Variants in CCDC63 observed in about 807,000 individuals in gnomAD.
The protein encoded by CCDC63 is coiled-coil domain containing 63, also known as coiled-coil domain-containing protein 63.
In CCDC63, 54 loss-of-function variants were observed where a neutral mutation model predicts 63.6. That is an observed-to-expected ratio of 0.85 (90% CI 0.68 to 1.07). The LOEUF is 1.07. CCDC63 is among the 50% of genes least tolerant of loss of function. CCDC63 has a pLI of 0.00. For missense variants in CCDC63, 637 were observed against 689.6 expected (o/e 0.92, Z 0.86); for synonymous variants, 253 against 266.1 (o/e 0.95, Z 0.48).
At chr12:110,846,526 G>T (rs1039850192), upstream of CCDC63, among the ~76,000 whole-genome samples, 1 of 150,402 alleles carries the variant, frequency 6.6e-6, no homozygotes, top group Non-Finnish European at 1.5e-5. Context: ...TTCCCCCCCC[G>T]CCCCAACATT....
At chr12:110,871,834 GT>G (rs2071072818) in intron 4 of CCDC63, among the ~76,000 whole-genome samples, 1 of 152,048 alleles carries the variant, frequency 6.6e-6, no homozygotes, top group South Asian at 2.1e-4. Context: ...TCATAACTTT[GT>G]TTTGTCTGCA....
intron 4 of CCDC63, among the ~76,000 whole-genome samples, chr12:110,858,992 T>C (rs1460370330): frequency 6.6e-6 from 1 of 152,136 alleles, no homozygotes; most frequent in African/African-American, 2.4e-5. Context: ...CCCTCCGCCG[T>C]GCTCCCCAGT....
chr12:110,893,267 T>A, intron 9 of CCDC63, 117 bp downstream of exon 9: 1 of 783,326 alleles, frequency 1.3e-6, no homozygotes, highest in Non-Finnish European at 2.2e-6. Flanking sequence ...TCAGGAGCAG[T>A]AAGAGGTCTG....
chr12:110,874,389 T>C (rs558270663), intron 5 of CCDC63, among the ~76,000 whole-genome samples: 1 of 152,272 alleles, frequency 6.6e-6, no homozygotes, highest in Non-Finnish European at 1.5e-5. Flanking sequence ...AACTTGATAA[T>C]GGGAAAGGTG....
chr12:110,870,254 G>A (rs767152723), intron 4 of CCDC63, among the ~76,000 whole-genome samples: 12 of 152,086 alleles, frequency 7.9e-5, no homozygotes, highest in Non-Finnish European at 1.3e-4. Context: ...GCTAATTTTT[G>A]TATTTCTAGT....
At chr12:110,846,973 G>C (rs898838605), upstream of CCDC63, 1 of 152,256 alleles carries the variant, frequency 6.6e-6, no homozygotes, top group Non-Finnish European at 1.5e-5. Flanking sequence ...ACGCCCGGGC[G>C]TGGGGCTGGG....
Position 110,853,554 on chromosome 12 carries a change from G to A in CCDC63, c.159G>A (p.Gln53=), listed in dbSNP as rs2070733907. The stretch of plus-strand genomic sequence containing the variant: ...GGAAGTCTTTTAAGTTCCGAAACCA[G>A]CAGAAGATTGCGAGTCAGTAGTAAG... The part of the protein sequence containing the change: ...ESRKSFKFRN[Q]QKIASQYKEI... Residue 53 remains glutamine (Q), a synonymous_variant, in exon 3 of 12, where the codon CAG becomes CAA. Transcript: ENST00000308208. The A allele has an allele frequency of 1.2e-6, 2 of 1,614,188 alleles. No homozygotes were observed. Among genetic ancestry groups the A allele is most frequent in the East Asian group, 2.2e-5 (1 of 44,874 alleles).
chr12:110,873,128 C>T (rs970008079), intron 4 of CCDC63, among the ~76,000 whole-genome samples: 1 of 151,988 alleles, frequency 6.6e-6, no homozygotes, highest in South Asian at 2.1e-4. Context: ...TCCAGTTACT[C>T]GAGACGCTAA....
chr12:110,878,746 G>A (rs1237110641), intron 5 of CCDC63, among the ~76,000 whole-genome samples: 1 of 152,154 alleles, frequency 6.6e-6, no homozygotes, highest in Non-Finnish European at 1.5e-5. Context: ...TTTCCTTTGG[G>A]TGTATGCCCA....
At chr12:110,878,213 T>C (rs1566127790) in intron 5 of CCDC63, among the ~76,000 whole-genome samples, 1 of 152,306 alleles carries the variant, frequency 6.6e-6, no homozygotes, top group African/African-American at 2.4e-5. Flanking sequence ...TACATACATA[T>C]ATATACCTAT....
intron 10 of CCDC63, among the ~76,000 whole-genome samples, chr12:110,901,127 C>T (rs980668825): frequency 6.6e-6 from 1 of 152,154 alleles, no homozygotes; most frequent in East Asian, 1.9e-4. Flanking sequence ...CATGGTGAGA[C>T]ACTCTTTTAA....
chr12:110,888,868 CTTTCTT>C (rs2071322801), intron 8 of CCDC63, among the ~76,000 whole-genome samples: 1 of 109,930 alleles, frequency 9.1e-6, no homozygotes, highest in Non-Finnish European at 1.9e-5. Context: ...CTTCGTTTTT[CTTTCTT>C]TTTCTTTCTT....
At chr12:110,848,180 A>G (rs2070663555) in intron 1 of CCDC63, among the ~76,000 whole-genome samples, 1 of 152,246 alleles carries the variant, frequency 6.6e-6, no homozygotes, top group Non-Finnish European at 1.5e-5. Flanking sequence ...GAGCTTAGCC[A>G]ATAGGGAGGA....
intron 3 of CCDC63, among the ~76,000 whole-genome samples, chr12:110,857,727 G>C (rs1038121420): frequency 3.3e-5 from 5 of 152,092 alleles, no homozygotes; most frequent in African/African-American, 1.2e-4. Flanking sequence ...CCACATCCCG[G>C]TAGACATTTC....
rs775890946 is a variant in CCDC63, at chr12:110,881,152, C to T, written c.709C>T (p.Arg237Cys). The T allele has an allele frequency of 8.7e-6, 14 of 1,611,960 alleles. No individual in the cohort carries two copies. The highest frequency in any genetic ancestry group is 2.2e-5 in the East Asian group (1 of 44,840). ...AMARMAAMKDRQKKDTSQYNL... is the reference protein window; with the variant it reads ...AMARMAAMKDCQKKDTSQYNL... ...GGCTCGAATGGCTGCCATGAAAGAC[C>T]GCCAGAAGAAGGACACCTCTCAGTA... Residue 237 changes from arginine to cysteine, a missense_variant, in exon 7 of 12, where the codon CGC becomes TGC. Coordinates refer to ENST00000308208, the MANE Select transcript of CCDC63 (RefSeq NM_152591.3).
chr12:110,900,249 A>G (rs2071470148), intron 10 of CCDC63, among the ~76,000 whole-genome samples: 1 of 151,054 alleles, frequency 6.6e-6, no homozygotes, highest in African/African-American at 2.4e-5. Context: ...AACACCCAAA[A>G]CTACAGCGAA....
intron 10 of CCDC63, among the ~76,000 whole-genome samples, chr12:110,902,157 G>A (rs1032069378): frequency 1.3e-5 from 2 of 152,096 alleles, no homozygotes; most frequent in African/African-American, 2.4e-5. Flanking sequence ...CCATTCAGGC[G>A]AGCCACTCTT....
intron 8 of CCDC63, among the ~76,000 whole-genome samples, chr12:110,890,908 C>G (rs940465993): frequency 2.7e-5 from 4 of 150,912 alleles, no homozygotes; most frequent in Admixed American, 6.7e-5. Flanking sequence ...TCCCGAGTAT[C>G]TGGGGACTAC....
intron 8 of CCDC63, among the ~76,000 whole-genome samples, chr12:110,888,851 TTCCTTCCTTCG>T (rs2071321712): frequency 5.0e-5 from 4 of 80,454 alleles, no homozygotes; most frequent in South Asian, 3.8e-4. Context: ...CCTTCCTTCC[TTCCTTCCTTCG>T]TTTTTCTTTC....
Sources: gnomAD v4.1 joint callset for allele counts (sites outside exome capture counted in the v4.1 genomes callset) on GRCh38, gnomAD v4.1.1 for gene constraint, MANE v1.5 for transcripts, NCBI Gene and HGNC (gene_info 2026-07-23, HGNC 2026-07-21) for gene names.